The following ZNF385D variants were observed in gnomAD, a reference collection of about 807,000 sequenced individuals.
ZNF385D encodes zinc finger protein 659.
Under a neutral mutation model 35.8 loss-of-function variants are expected in ZNF385D, and 15 were observed. That is an observed-to-expected ratio of 0.42 (90% CI 0.28 to 0.64). The LOEUF is 0.64. Among genes scored for constraint, ZNF385D ranks in the 30% least tolerant of loss-of-function variants. The pLI, the probability that ZNF385D is intolerant of heterozygous loss-of-function variation, is 0.23. For synonymous variants in ZNF385D, 212 were observed against 186.8 expected (o/e 1.13, Z -1.10); for missense variants, 474 against 494.6 (o/e 0.96, Z 0.39).
At position 21,723,291 on chromosome 3, in the gene ZNF385D, G is replaced by A. The variant is rs536965650; in HGVS notation, c.22+27604C>T. 2.9e-4 allele frequency among the ~76,000 whole-genome samples: 44 copies of A among 152,268 alleles called. No individual in the cohort carries two copies. The South Asian group carries it at 8.9e-3, about 31-fold the overall frequency. ...CGCCAGCAAGGAAACAAAACTGCAT[G>A]GAGAATAAGTTTGACAAATTGACCG... On this transcript the variant is annotated intron_variant, in intron 1 of 7. Coordinates refer to ENST00000281523, the MANE Select transcript of ZNF385D (RefSeq NM_024697.3).
At chr3:21,734,427 A>C (rs1321843525) in intron 1 of ZNF385D, among the ~76,000 whole-genome samples, 1 of 152,080 alleles carries the variant, frequency 6.6e-6, no homozygotes, top group Non-Finnish European at 1.5e-5. Flanking sequence ...TTTGCAATGA[A>C]CCTTATTGAT....
chr3:22,216,727 G>A (rs1221790363), intron 2 of ZNF385D, among the ~76,000 whole-genome samples: 3 of 152,098 alleles, frequency 2.0e-5, no homozygotes, highest in Admixed American at 2.0e-4. Context: ...CTTGTTCTAA[G>A]GCACTCGGAG....
intron 3 of ZNF385D, among the ~76,000 whole-genome samples, chr3:22,005,657 AT>A (rs1696156823): frequency 6.6e-6 from 1 of 152,106 alleles, no homozygotes; most frequent in South Asian, 2.1e-4. Context: ...TTCACACCTC[AT>A]TATATTCTCA....
chr3:22,049,045 C>T (rs1219317489), intron 3 of ZNF385D, among the ~76,000 whole-genome samples: 1 of 151,904 alleles, frequency 6.6e-6, no homozygotes, highest in Non-Finnish European at 1.5e-5. Context: ...GCCTGTAATC[C>T]CAGCACTGTG....
intron 2 of ZNF385D, among the ~76,000 whole-genome samples, chr3:21,573,794 T>A (rs1055338884): frequency 1.3e-5 from 2 of 151,684 alleles, no homozygotes; most frequent in African/African-American, 2.4e-5. Context: ...GCACGGTGGC[T>A]CACCCATGTA....
At chr3:22,341,761 A>G (rs1249018064) in intron 2 of ZNF385D, among the ~76,000 whole-genome samples, 1 of 152,208 alleles carries the variant, frequency 6.6e-6, no homozygotes, top group Non-Finnish European at 1.5e-5. Context: ...GAATGAAATT[A>G]TAACTCTGAG....
chr3:21,970,233 G>A (rs888546005), intron 3 of ZNF385D, among the ~76,000 whole-genome samples: 4 of 152,096 alleles, frequency 2.6e-5, no homozygotes, highest in African/African-American at 9.7e-5. Context: ...AAATAGGCAT[G>A]AGTGACCAAA....
chr3:21,962,919 G>A (rs1030510254), intron 3 of ZNF385D, among the ~76,000 whole-genome samples: 3 of 152,184 alleles, frequency 2.0e-5, no homozygotes, highest in East Asian at 1.9e-4. Flanking sequence ...GGGCGACCAT[G>A]TAATAACACA....
intron 3 of ZNF385D, among the ~76,000 whole-genome samples, chr3:21,925,407 C>G: frequency 6.6e-6 from 1 of 152,204 alleles, no homozygotes; most frequent in Middle Eastern, 3.4e-3. Context: ...AACAAATAGG[C>G]AGGTATACAC....
chr3:22,337,102 A>T (rs1411634258), intron 2 of ZNF385D, among the ~76,000 whole-genome samples: 1 of 152,006 alleles, frequency 6.6e-6, no homozygotes, highest in Non-Finnish European at 1.5e-5. Flanking sequence ...AACACTTTAT[A>T]AGTCATTTCA....
chr3:21,608,300 C>T (rs1441094599), intron 2 of ZNF385D, among the ~76,000 whole-genome samples: 10 of 152,044 alleles, frequency 6.6e-5, no homozygotes, highest in African/African-American at 1.2e-4. Context: ...TGAGCCACTG[C>T]GCCCAGCCCT....
chr3:22,182,285 AAAAC>A (rs1280913771), intron 2 of ZNF385D, among the ~76,000 whole-genome samples: 2 of 150,270 alleles, frequency 1.3e-5, no homozygotes, highest in African/African-American at 2.5e-5. Flanking sequence ...AAAATGTCTT[AAAAC>A]AAATTACCAC....
chr3:22,321,303 TC>T (rs1229856506), intron 2 of ZNF385D, among the ~76,000 whole-genome samples: 1 of 152,038 alleles, frequency 6.6e-6, no homozygotes, highest in Non-Finnish European at 1.5e-5. Context: ...TAAAACTCTT[TC>T]TACAAGTCCC....
chr3:21,949,803 A>G (rs1247268973), intron 3 of ZNF385D, among the ~76,000 whole-genome samples: 1 of 152,060 alleles, frequency 6.6e-6, no homozygotes, highest in East Asian at 1.9e-4. Flanking sequence ...GAGAACAGGC[A>G]GTATTTGGTT....
At chr3:21,734,795 C>T (rs2069170924) in intron 1 of ZNF385D, among the ~76,000 whole-genome samples, 1 of 152,068 alleles carries the variant, frequency 6.6e-6, no homozygotes, top group Non-Finnish European at 1.5e-5. Flanking sequence ...GTGGGATTAG[C>T]TTGTCTGTAG....
At chr3:21,901,349 G>A (rs1383621502) in intron 3 of ZNF385D, among the ~76,000 whole-genome samples, 1 of 152,082 alleles carries the variant, frequency 6.6e-6, no homozygotes, top group Non-Finnish European at 1.5e-5. Context: ...ATTTACCAAT[G>A]CTTTATCTCC....
At chr3:21,942,335 G>GC (rs1310665704) in intron 3 of ZNF385D, among the ~76,000 whole-genome samples, 3 of 152,118 alleles carry the variant, frequency 2.0e-5, no homozygotes, top group African/African-American at 7.2e-5. Flanking sequence ...TAAATGAGGG[G>GC]CTCTTTTGGA....
At chr3:22,316,917 A>G (rs1381754356) in intron 2 of ZNF385D, among the ~76,000 whole-genome samples, 1 of 151,912 alleles carries the variant, frequency 6.6e-6, no homozygotes, top group Non-Finnish European at 1.5e-5. Context: ...CCTACCCTTC[A>G]CCAAGTGCAG....
intron 3 of ZNF385D, chr3:22,134,503 A>C (rs1439976370): frequency 6.6e-6 from 1 of 152,192 alleles, no homozygotes; most frequent in African/African-American, 2.4e-5. Flanking sequence ...ATCGTCAACC[A>C]ACAAAATCTA....
Sources: gnomAD v4.1 joint callset for allele counts (sites outside exome capture counted in the v4.1 genomes callset) on GRCh38, gnomAD v4.1.1 for gene constraint, MANE v1.5 for transcripts, NCBI Gene and HGNC (gene_info 2026-07-23, HGNC 2026-07-21) for gene names.